The following GNAL variants were observed in gnomAD, a reference collection of about 807,000 sequenced individuals.
GNAL encodes guanine nucleotide-binding protein G(olf) subunit alpha.
In GNAL, 18 loss-of-function variants were observed where a neutral mutation model predicts 55.1. The observed-to-expected ratio is 0.33, with a 90% CI of 0.23 to 0.48. The LOEUF is 0.48. GNAL is among the 20% of genes least tolerant of loss of function. The probability of loss-of-function intolerance (pLI) is 0.99; values close to 1 mark genes in which losing one functional copy is unlikely to be tolerated. For synonymous variants in GNAL, 253 were observed against 237.0 expected, an observed-to-expected ratio of 1.07 and a Z score of -0.62; for missense variants, 412 against 614.1, an observed-to-expected ratio of 0.67 and a Z score of 3.48.
Position 11,718,605 on chromosome 18 carries a change from T to C in GNAL, c.376+28666T>C, listed in dbSNP as rs540916350. Among the ~76,000 whole-genome samples, 4 of 152,314 alleles carry C rather than the reference T, an allele frequency of 2.6e-5. No homozygotes were observed. The South Asian group carries it at 6.2e-4, about 24-fold the overall frequency. On this transcript the variant is annotated intron_variant, in intron 1 of 11. Coordinates refer to ENST00000334049, the MANE Select transcript of GNAL (RefSeq NM_182978.4). ...AATCAAAGCTGTACATGAAAATGGATTTTCCCCTGCTCTATCTACTTTGAA... is the reference window on the plus strand; with the variant it reads ...AATCAAAGCTGTACATGAAAATGGACTTTCCCCTGCTCTATCTACTTTGAA...
In GNAL at chr18:11,752,677, C is replaced by T. The variant is rs556868404; in HGVS notation, c.377-176C>T. 63 of 1,275,202 alleles carry T rather than the reference C, an allele frequency of 4.9e-5. No homozygotes were observed. In the East Asian group the frequency reaches 1.8e-3, roughly 37 times the overall value. The allele number at this position is 1,275,202 out of a possible 1,614,324, so 79.0% of individuals were successfully genotyped here. On this transcript the variant is annotated intron_variant, in intron 1 of 11. Coordinates refer to ENST00000334049, the MANE Select transcript of GNAL (RefSeq NM_182978.4). The surrounding 1 kb of genome is among the most constrained non-coding windows in gnomAD (Gnocchi z 4.5). ...GGCGGGCAGGGCCGGGCGAGGGTCGCGCGCACCTCTGGGCCGCGGAGCCCA... is the reference window on the plus strand; with the variant it reads ...GGCGGGCAGGGCCGGGCGAGGGTCGTGCGCACCTCTGGGCCGCGGAGCCCA...
At chr18:11,721,954 G>A (rs1460158664) in intron 1 of GNAL, among the ~76,000 whole-genome samples, 5 of 151,820 alleles carry the variant, frequency 3.3e-5, no homozygotes, top group South Asian at 2.1e-4. Context: ...TCTCACCATA[G>A]CTGATTCACT....
chr18:11,844,840 TTTTA>T (rs1243281918), intron 5 of GNAL, among the ~76,000 whole-genome samples: 8 of 152,120 alleles, frequency 5.3e-5, no homozygotes, highest in Admixed American at 2.6e-4. Context: ...CATTTTTATT[TTTTA>T]TTTATTTATT....
intron 6 of GNAL, 94 bp from the exon 7 acceptor site, chr18:11,864,439 T>A: frequency 5.3e-6 from 4 of 761,214 alleles, no homozygotes; most frequent in Non-Finnish European, 7.3e-6. Flanking sequence ...AACAAATTAT[T>A]TGAAAAATAT....
rs201396878 is a variant in GNAL at position 11,884,422 on chromosome 18, A to G, written c.*3287A>G. ...CCAAAGTTCCATTTCTTGGGCTTTG[A>G]TATTTATAATGGCGCCTGCTCTTCA... is the stretch of plus-strand genomic sequence containing the variant. On this transcript the variant is annotated 3_prime_UTR_variant, in exon 12 of 12. Transcript: ENST00000334049. The G allele has an allele frequency of 9.5e-5, 152 of 1,607,616 alleles. No homozygotes were observed. The highest frequency in any genetic ancestry group is 3.4e-4 in the Middle Eastern group (2 of 5,936).
chr18:11,741,093 A>C (rs904433165), intron 1 of GNAL, among the ~76,000 whole-genome samples: 1 of 152,256 alleles, frequency 6.6e-6, no homozygotes, highest in Non-Finnish European at 1.5e-5. Context: ...GCAAAGAGAT[A>C]ATTAATTCAT....
intron 4 of GNAL, among the ~76,000 whole-genome samples, chr18:11,797,457 G>C (rs1302993343): frequency 6.6e-6 from 1 of 152,076 alleles, no homozygotes; most frequent in Non-Finnish European, 1.5e-5. Flanking sequence ...AAAACAATCT[G>C]TCCACCAGGC....
chr18:11,775,085 C>T (rs926363306), intron 4 of GNAL, among the ~76,000 whole-genome samples: 1 of 152,200 alleles, frequency 6.6e-6, no homozygotes, highest in Non-Finnish European at 1.5e-5. Context: ...TGAATCTCCC[C>T]TTGACTAATG....
chr18:11,733,819 A>G (rs576591734), intron 1 of GNAL, among the ~76,000 whole-genome samples: 1 of 150,438 alleles, frequency 6.6e-6, no homozygotes, highest in African/African-American at 2.4e-5. Context: ...TGCCTACACT[A>G]TGCTCTATAG....
intron 4 of GNAL, among the ~76,000 whole-genome samples, chr18:11,760,436 G>A (rs1213664309): frequency 6.6e-6 from 1 of 152,126 alleles, no homozygotes; most frequent in Non-Finnish European, 1.5e-5. Flanking sequence ...GTGTAAAAAG[G>A]GCACAGTAAA....
intron 1 of GNAL, among the ~76,000 whole-genome samples, chr18:11,738,768 A>G (rs956503136): frequency 6.6e-6 from 1 of 152,126 alleles, no homozygotes; most frequent in Non-Finnish European, 1.5e-5. Flanking sequence ...CTCTTGAAGC[A>G]GTTATTCCCC....
intron 4 of GNAL, among the ~76,000 whole-genome samples, chr18:11,801,467 C>A (rs1401280528): frequency 6.6e-6 from 1 of 152,110 alleles, no homozygotes; most frequent in Non-Finnish European, 1.5e-5. Context: ...ACAGGAGAAT[C>A]GCTTGAACCC....
At chr18:11,700,989 C>T (rs1013757867) in intron 1 of GNAL, among the ~76,000 whole-genome samples, 1 of 152,214 alleles carries the variant, frequency 6.6e-6, no homozygotes, top group African/African-American at 2.4e-5. Context: ...CTCAGGAGCC[C>T]GCTCTGTGCC....
At chr18:11,818,510 TAAAC>T in intron 4 of GNAL, among the ~76,000 whole-genome samples, 1 of 151,648 alleles carries the variant, frequency 6.6e-6, no homozygotes, top group African/African-American at 2.4e-5. Flanking sequence ...AAGGTTACAT[TAAAC>T]AACTTAAACG....
At chr18:11,747,189 A>G (rs991970162) in intron 1 of GNAL, 22 of 387,998 alleles carry the variant, frequency 5.7e-5, no homozygotes, top group Non-Finnish European at 4.5e-5. Flanking sequence ...TTCCTGTTAC[A>G]TGTCTCTGCC....
At chr18:11,793,909 G>A (rs866760296) in intron 4 of GNAL, among the ~76,000 whole-genome samples, 25 of 142,346 alleles carry the variant, frequency 1.8e-4, no homozygotes, top group African/African-American at 6.0e-4. Flanking sequence ...ACTCCATCTC[G>A]GGAAAAAAAA....
intron 1 of GNAL, among the ~76,000 whole-genome samples, chr18:11,739,735 T>A (rs1175428503): frequency 1.3e-5 from 2 of 152,020 alleles, no homozygotes; most frequent in African/African-American, 4.8e-5. Context: ...CACTCTGTGG[T>A]GTCCTTCCCG....
At chr18:11,837,115 A>G (rs77230751) in intron 5 of GNAL, among the ~76,000 whole-genome samples, 1,682 of 152,120 alleles carry the variant, frequency 0.011, 36 homozygotes, top group African/African-American at 0.039. Flanking sequence ...CACCACGCCC[A>G]GTTAATTTTT....
chr18:11,814,699 C>A (rs1316789872), intron 4 of GNAL, among the ~76,000 whole-genome samples: 1 of 151,902 alleles, frequency 6.6e-6, no homozygotes, highest in East Asian at 1.9e-4. Flanking sequence ...GAGTTGGGGA[C>A]CAGCCTGACC....
Sources: gnomAD v4.1 joint callset for allele counts (sites outside exome capture counted in the v4.1 genomes callset) on GRCh38, gnomAD v4.1.1 for gene constraint, Gnocchi (gnomAD v3.1) non-coding constraint, MANE v1.5 for transcripts, NCBI Gene and HGNC (gene_info 2026-07-23, HGNC 2026-07-21) for gene names.